The following OPCML variants were observed in gnomAD, a reference collection of about 807,000 sequenced individuals.
OPCML encodes opioid binding protein/cell adhesion molecule like, also known as opioid-binding protein/cell adhesion molecule.
OPCML carries 13 observed loss-of-function variants against 37.8 expected under a neutral mutation model. That is an observed-to-expected ratio of 0.34 (90% CI 0.22 to 0.55). The LOEUF (loss-of-function observed/expected upper bound fraction) is 0.55, where lower values mean the gene tolerates loss of function less well. OPCML is among the 20% of genes least tolerant of loss of function. OPCML has a pLI of 0.91. For missense variants in OPCML, 341 were observed against 435.6 expected, an observed-to-expected ratio of 0.78 and a Z score of 1.93; for synonymous variants, 176 against 168.8, an observed-to-expected ratio of 1.04 and a Z score of -0.33.
chr11:133,314,429 A>G (rs889899040), intron 1 of OPCML, among the ~76,000 whole-genome samples: 2 of 151,924 alleles, frequency 1.3e-5, no homozygotes, highest in Non-Finnish European at 2.9e-5. Flanking sequence ...ACATGTGCTT[A>G]TACGAAAATC....
At chr11:133,277,296 T>C (rs1942021233) in intron 1 of OPCML, among the ~76,000 whole-genome samples, 1 of 152,148 alleles carries the variant, frequency 6.6e-6, no homozygotes, top group Non-Finnish European at 1.5e-5. Flanking sequence ...AACAATTTGG[T>C]TTTCGGGGAA....
chr11:133,359,757 G>A (rs749612477), intron 1 of OPCML, among the ~76,000 whole-genome samples: 39 of 152,166 alleles, frequency 2.6e-4, no homozygotes, highest in Non-Finnish European at 4.4e-4. Context: ...GCTCATTCAT[G>A]GAATGGAGCA....
intron 2 of OPCML, among the ~76,000 whole-genome samples, chr11:132,791,705 G>A (rs1199525679): frequency 3.3e-5 from 5 of 152,192 alleles, no homozygotes; most frequent in African/African-American, 9.6e-5. Context: ...TCATAAATAG[G>A]CACAGCTTCC....
At position 132,546,687 on chromosome 11, in the gene OPCML, C is replaced by T. The variant is rs568565294; in HGVS notation, c.380-17501G>A. 9.2e-5 allele frequency among the ~76,000 whole-genome samples: 14 copies of T among 152,300 alleles called. No homozygotes were observed. The East Asian group carries it at 2.5e-3, about 27-fold the overall frequency. On this transcript the variant is annotated intron_variant, in intron 3 of 7. Coordinates refer to ENST00000524381, the MANE Select transcript of OPCML (RefSeq NM_001012393.5). Reference sequence around the variant, plus strand: ...GTGTGACCTTGGAGAGTTTCTTAAGCTATTCGTACTTCACCTTTTTGCATC... The same window carrying T: ...GTGTGACCTTGGAGAGTTTCTTAAGTTATTCGTACTTCACCTTTTTGCATC...
chr11:132,831,131 C>T (rs142326758), intron 2 of OPCML, among the ~76,000 whole-genome samples: 176 of 151,816 alleles, frequency 1.2e-3, no homozygotes, highest in Non-Finnish European at 9.6e-4. Flanking sequence ...AGTACATGTA[C>T]ATGAAAGCAA....
At chr11:133,350,402 C>G (rs1267501407) in intron 1 of OPCML, among the ~76,000 whole-genome samples, 1 of 152,140 alleles carries the variant, frequency 6.6e-6, no homozygotes, top group Non-Finnish European at 1.5e-5. Context: ...GGAGAATCAT[C>G]CAGACTTTCT....
In OPCML at chr11:133,191,504, GGTGT is replaced by G. The variant is rs56143154; in HGVS notation, c.62-248498_62-248495del. On this transcript the variant is annotated intron_variant, in intron 1 of 7. Transcript: ENST00000524381. ...TATCTTTTTCTTTTCTGTGTGTGTG[GGTGT>G]GTGTGTGTGTGTGTGTGTGTGTGTG... is the stretch of plus-strand genomic sequence containing the variant. Among the ~76,000 whole-genome samples, 744 of 142,448 alleles carry G rather than the reference GGTGT, an allele frequency of 5.2e-3. 8 individuals carry two copies. Among genetic ancestry groups the G allele is most frequent in the East Asian group, 0.037 (181 of 4,834 alleles). The allele number at this position is 142,448 out of a possible 152,430, so 93.5% of individuals were successfully genotyped here.
At chr11:133,207,290 A>G (rs1347626825) in intron 1 of OPCML, among the ~76,000 whole-genome samples, 1 of 152,028 alleles carries the variant, frequency 6.6e-6, no homozygotes, top group East Asian at 1.9e-4. Flanking sequence ...ACAGAGTGAG[A>G]CTCCATCTCA....
intron 4 of OPCML, among the ~76,000 whole-genome samples, chr11:132,504,952 A>G (rs2096253339): frequency 6.6e-6 from 1 of 152,108 alleles, no homozygotes; most frequent in Non-Finnish European, 1.5e-5. Context: ...GCTTCAAACC[A>G]GAGGAGTCAA....
At chr11:132,954,675 T>A (rs1235633583) in intron 1 of OPCML, among the ~76,000 whole-genome samples, 2 of 152,114 alleles carry the variant, frequency 1.3e-5, no homozygotes, top group East Asian at 3.9e-4. Context: ...AGAGACAATG[T>A]TTACAGTCAT....
chr11:132,495,760 T>C (rs1320217632), intron 4 of OPCML, among the ~76,000 whole-genome samples: 2 of 151,732 alleles, frequency 1.3e-5, no homozygotes, highest in Non-Finnish European at 2.9e-5. Flanking sequence ...CTGGGTGTAG[T>C]GGCGGGCGCC....
intron 7 of OPCML, among the ~76,000 whole-genome samples, chr11:132,422,764 G>C (rs1277309591): frequency 6.6e-6 from 1 of 152,174 alleles, no homozygotes; most frequent in African/African-American, 2.4e-5. Flanking sequence ...TTAGAACCAA[G>C]TCACTGTCCT....
rs777874920 is a variant in OPCML, at chr11:132,975,086, G to A, written c.62-32076C>T. Among the ~76,000 whole-genome samples, 4 of 151,416 alleles carry A rather than the reference G, an allele frequency of 2.6e-5. No homozygotes were observed. The East Asian group carries it at 5.9e-4, about 22-fold the overall frequency. ...CATTCTTTCTCTCCACAGTTACTGC[G>A]CACCTACCTTGATGCCACTATAGGT... is the stretch of plus-strand genomic sequence containing the variant. On this transcript the variant is annotated intron_variant, in intron 1 of 7. Transcript: ENST00000524381.
intron 1 of OPCML, among the ~76,000 whole-genome samples, chr11:133,330,800 C>T (rs560331025): frequency 5.3e-5 from 8 of 152,124 alleles, no homozygotes; most frequent in South Asian, 2.1e-4. Flanking sequence ...CAAACCTGCA[C>T]GTTGTGCACA....
chr11:132,780,059 T>A (rs988258376), intron 2 of OPCML, among the ~76,000 whole-genome samples: 1 of 152,206 alleles, frequency 6.6e-6, no homozygotes, highest in African/African-American at 2.4e-5. Context: ...GTGTTTCCCA[T>A]GAGAAGTGGG....
intron 4 of OPCML, among the ~76,000 whole-genome samples, chr11:132,479,789 C>A (rs1375328397): frequency 1.3e-5 from 2 of 152,168 alleles, no homozygotes; most frequent in African/African-American, 4.8e-5. Flanking sequence ...GGGCCGGGTA[C>A]TCCAACAGAC....
At chr11:133,008,477 T>C (rs759359417) in intron 1 of OPCML, 118 of 948,852 alleles carry the variant, frequency 1.2e-4, no homozygotes, top group Non-Finnish European at 1.4e-4. Context: ...CAGATTCCCT[T>C]TGGGAGAGAA....
At chr11:133,348,109 A>T (rs1429255161) in intron 1 of OPCML, among the ~76,000 whole-genome samples, 3 of 152,214 alleles carry the variant, frequency 2.0e-5, no homozygotes, top group African/African-American at 7.2e-5. Context: ...TCAGGGCAGG[A>T]AAAGCAATAG....
chr11:133,384,247 C>CAA (rs1186998875), intron 1 of OPCML, among the ~76,000 whole-genome samples: 7,887 of 70,898 alleles, frequency 0.11, 364 homozygotes, highest in Non-Finnish European at 0.14. Context: ...GGCCACTGTG[C>CAA]AAAAAAAAAA....
Sources: gnomAD v4.1 joint callset for allele counts (sites outside exome capture counted in the v4.1 genomes callset) on GRCh38, gnomAD v4.1.1 for gene constraint, MANE v1.5 for transcripts, NCBI Gene and HGNC (gene_info 2026-07-23, HGNC 2026-07-21) for gene names.